GRIA4: variants seen among roughly 807,000 people sequenced by gnomAD.
GRIA4 encodes glutamate receptor 4.
A neutral mutation model predicts 104.0 loss-of-function variants in GRIA4; 34 were observed. That is an observed-to-expected ratio of 0.33 (90% CI 0.25 to 0.44). The LOEUF is 0.44. Among genes scored for constraint, GRIA4 ranks in the 20% least tolerant of loss-of-function variants. The pLI is 1.00. For missense variants in GRIA4, 750 were observed against 1,096.5 expected (o/e 0.68, Z 4.46); for synonymous variants, 386 against 381.9 (o/e 1.01, Z -0.13).
intron 3 of GRIA4, among the ~76,000 whole-genome samples, chr11:105,673,710 T>C (rs1952446358): frequency 6.6e-6 from 1 of 152,072 alleles, no homozygotes; most frequent in African/African-American, 2.4e-5. Flanking sequence ...GAAAGAGCTT[T>C]ATTATATTTA....
intron 4 of GRIA4, among the ~76,000 whole-genome samples, chr11:105,781,646 G>A (rs10750734): frequency 0.45 from 68,978 of 151,860 alleles, 16,075 homozygotes; most frequent in Middle Eastern, 0.52. Context: ...ATTGGTATTC[G>A]TTCAATTTAT....
At chr11:105,756,772 CTCA>C (rs1940335794) in intron 4 of GRIA4, among the ~76,000 whole-genome samples, 1 of 151,080 alleles carries the variant, frequency 6.6e-6, no homozygotes, top group South Asian at 2.1e-4. Flanking sequence ...AAAAAAAAAT[CTCA>C]TCAAGATTTA....
At chr11:105,662,723 C>T (rs1353002430) in intron 3 of GRIA4, among the ~76,000 whole-genome samples, 8 of 151,744 alleles carry the variant, frequency 5.3e-5, no homozygotes, top group African/African-American at 1.9e-4. Flanking sequence ...AGGGGGCATC[C>T]ATTGCAGAAA....
At chr11:105,834,962 A>G (rs778630073) in intron 4 of GRIA4, among the ~76,000 whole-genome samples, 34 of 152,094 alleles carry the variant, frequency 2.2e-4, no homozygotes, top group Admixed American at 9.2e-4. Context: ...TTCAATCAAT[A>G]TATGTATAAG....
Position 105,862,042 on chromosome 11 carries a change from C to T in GRIA4, c.506C>T (p.Ala169Val). ...DTDRGYSILQ[A>V]IMEKAGQNGW... The stretch of plus-strand genomic sequence containing the variant: ...CCAATAGGATACTCGATACTCCAAG[C>T]TATTATGGAAAAAGCAGGACAAAAT... The change falls in exon 5 of 17, where the codon GCT becomes GTT. Residue 169 changes from alanine to valine, a missense_variant. Physicochemically the swap from Ala to Val is moderately conservative, Grantham distance 64. Around this residue, in one of 3 missense-constraint regions of GRIA4, gnomAD observed 410 missense variants for 502.7 expected, o/e 0.82. Transcript: ENST00000282499. 6.2e-7 allele frequency: 1 copy of T among 1,610,136 alleles called. No individual in the cohort carries two copies. Among genetic ancestry groups the T allele is most frequent in the Non-Finnish European group, 8.5e-7 (1 of 1,177,010 alleles).
At chr11:105,614,220 C>T (rs981387916) in intron 3 of GRIA4, 5 of 151,366 alleles carry the variant, frequency 3.3e-5, no homozygotes, top group Admixed American at 6.6e-5. Flanking sequence ...GATTTCCTTA[C>T]AAGTGGCAGA....
intron 4 of GRIA4, among the ~76,000 whole-genome samples, chr11:105,790,696 C>T (rs1377176490): frequency 6.6e-6 from 1 of 152,094 alleles, no homozygotes; most frequent in Admixed American, 6.5e-5. Context: ...AGTCTTAGCA[C>T]AGGTTTGCAA....
chr11:105,960,626 C>G (rs1023080262), intron 14 of GRIA4, among the ~76,000 whole-genome samples: 1 of 152,158 alleles, frequency 6.6e-6, no homozygotes, highest in Admixed American at 6.5e-5. Context: ...GAAACAGCTT[C>G]GACAGCAGGC....
intron 4 of GRIA4, among the ~76,000 whole-genome samples, chr11:105,785,298 C>A (rs1224110218): frequency 6.6e-6 from 1 of 151,916 alleles, no homozygotes; most frequent in Non-Finnish European, 1.5e-5. Context: ...AAGTGTTTTG[C>A]ACGTATATAT....
intron 14 of GRIA4, among the ~76,000 whole-genome samples, chr11:105,935,910 C>T (rs531150011): frequency 1.3e-5 from 2 of 152,318 alleles, no homozygotes; most frequent in South Asian, 2.1e-4. Context: ...TGGCTTCCCC[C>T]TCTTTTCCTG....
chr11:105,974,188 T>C, intron 15 of GRIA4, 122 bp from the exon 16 acceptor site: 1 of 936,768 alleles, frequency 1.1e-6, no homozygotes, highest in Non-Finnish European at 1.7e-6. Context: ...TGACTTATAC[T>C]TGTAAATCAT....
intron 3 of GRIA4, among the ~76,000 whole-genome samples, chr11:105,618,543 C>T (rs1306201259): frequency 6.6e-6 from 1 of 151,870 alleles, no homozygotes; most frequent in Non-Finnish European, 1.5e-5. Context: ...AGCCTTCTGG[C>T]TTGGGCAAAT....
chr11:105,952,510 C>T (rs549799981), intron 14 of GRIA4, among the ~76,000 whole-genome samples: 1 of 152,200 alleles, frequency 6.6e-6, no homozygotes, highest in East Asian at 1.9e-4. Context: ...TGGCTAAGTT[C>T]CTGGGAGATA....
intron 14 of GRIA4, among the ~76,000 whole-genome samples, chr11:105,951,648 T>A (rs1430289298): frequency 6.6e-6 from 1 of 152,218 alleles, no homozygotes; most frequent in Non-Finnish European, 1.5e-5. Context: ...TTTTCACATT[T>A]TTTTTTAAAT....
chr11:105,932,004 C>T (rs1384999129), intron 13 of GRIA4, among the ~76,000 whole-genome samples: 1 of 151,134 alleles, frequency 6.6e-6, no homozygotes, highest in African/African-American at 2.4e-5. Flanking sequence ...CACTACTCAG[C>T]ACTGAGCCTC....
chr11:105,934,417 T>C (rs1947973023), intron 14 of GRIA4, among the ~76,000 whole-genome samples: 1 of 152,162 alleles, frequency 6.6e-6, no homozygotes, highest in Non-Finnish European at 1.5e-5. Flanking sequence ...TTCAATATTT[T>C]ATTTATTATG....
chr11:105,951,887 C>T (rs1468528219), intron 14 of GRIA4, among the ~76,000 whole-genome samples: 2 of 152,140 alleles, frequency 1.3e-5, no homozygotes, highest in South Asian at 2.1e-4. Flanking sequence ...ACCTGAGCCT[C>T]GGGAGGTCAG....
intron 4 of GRIA4, among the ~76,000 whole-genome samples, chr11:105,852,887 T>G (rs1418891328): frequency 6.8e-6 from 1 of 147,538 alleles, no homozygotes; most frequent in African/African-American, 2.5e-5. Context: ...AGTAACAGTT[T>G]AAAATATCAC....
At chr11:105,800,091 A>C (rs1462120481) in intron 4 of GRIA4, among the ~76,000 whole-genome samples, 2 of 152,126 alleles carry the variant, frequency 1.3e-5, no homozygotes, top group Non-Finnish European at 2.9e-5. Flanking sequence ...TGAAAGATAG[A>C]ACAAAAAAAG....
Sources: gnomAD v4.1 joint callset for allele counts (sites outside exome capture counted in the v4.1 genomes callset) on GRCh38, gnomAD v4.1.1 for gene constraint, gnomAD v4.1.1 regional missense constraint, MANE v1.5 for transcripts, NCBI Gene and HGNC (gene_info 2026-07-23, HGNC 2026-07-21) for gene names.